MALRD1: variants seen among roughly 807,000 people sequenced by gnomAD.
The protein encoded by MALRD1 is MAM and LDL-receptor class A domain-containing protein 1.
Under a neutral mutation model 242.1 loss-of-function variants are expected in MALRD1, and 247 were observed. The ratio of observed to expected loss-of-function variants is 1.02; its 90% CI spans 0.92 to 1.13. The LOEUF (loss-of-function observed/expected upper bound fraction) is 1.13, where lower values mean the gene tolerates loss of function less well. Ranked by LOEUF, MALRD1 falls within the 50% of genes most tolerant of loss-of-function variation. MALRD1 has a pLI of 0.00. For missense variants in MALRD1, 2,989 were observed against 2,533.1 expected (o/e 1.18, Z -3.86); for synonymous variants, 995 against 866.6 (o/e 1.15, Z -2.60).
intron 24 of MALRD1, among the ~76,000 whole-genome samples, chr10:19,331,965 A>T (rs1395467920): frequency 6.6e-6 from 1 of 152,098 alleles, no homozygotes; most frequent in Non-Finnish European, 1.5e-5. Flanking sequence ...TCCCAGGTTC[A>T]AGTGATTGTC....
intron 29 of MALRD1, among the ~76,000 whole-genome samples, chr10:19,481,585 C>T (rs1836997471): frequency 6.6e-6 from 1 of 151,968 alleles, no homozygotes; most frequent in South Asian, 2.1e-4. Flanking sequence ...ATTATATGTC[C>T]CCTTTATTTT....
intron 5 of MALRD1, among the ~76,000 whole-genome samples, chr10:19,122,619 A>G (rs1328012714): frequency 6.6e-6 from 1 of 152,110 alleles, no homozygotes; most frequent in African/African-American, 2.4e-5. Context: ...TTGGGTATTT[A>G]GGAAGATCAG....
chr10:19,669,298 C>T (rs1381944249), intron 36 of MALRD1, among the ~76,000 whole-genome samples: 1 of 152,148 alleles, frequency 6.6e-6, no homozygotes. Context: ...TAAAAATGGA[C>T]TATGAACATA....
intron 19 of MALRD1, among the ~76,000 whole-genome samples, chr10:19,266,015 T>A (rs938450976): frequency 1.3e-5 from 2 of 152,000 alleles, no homozygotes; most frequent in Admixed American, 6.6e-5. Flanking sequence ...TTTTGTCTTA[T>A]GTAAGTATAG....
chr10:19,295,289 A>G (rs1389820016), intron 21 of MALRD1, among the ~76,000 whole-genome samples: 1 of 152,082 alleles, frequency 6.6e-6, no homozygotes, highest in East Asian at 1.9e-4. Context: ...CACTTTTGCA[A>G]TCAGTTTATG....
chr10:19,729,823 G>A (rs1407852859), intron 38 of MALRD1, among the ~76,000 whole-genome samples: 9 of 119,690 alleles, frequency 7.5e-5, no homozygotes, highest in African/African-American at 2.2e-4. Context: ...TGCAAGCTCC[G>A]CCTCCCGGGT....
At chr10:19,216,959 TAA>T (rs5783663) in intron 18 of MALRD1, among the ~76,000 whole-genome samples, 30 of 144,398 alleles carry the variant, frequency 2.1e-4, no homozygotes, top group Non-Finnish European at 1.5e-5. Flanking sequence ...AAAAAAAAAA[TAA>T]AAATAAAATA....
intron 18 of MALRD1, among the ~76,000 whole-genome samples, chr10:19,219,605 T>C (rs541501973): frequency 2.5e-4 from 38 of 152,052 alleles, no homozygotes; most frequent in African/African-American, 4.8e-5. Flanking sequence ...CCGGCTAATT[T>C]TTAAATTTTT....
chr10:19,170,258 T>C (rs1180458897), intron 13 of MALRD1, among the ~76,000 whole-genome samples: 2 of 152,162 alleles, frequency 1.3e-5, no homozygotes, highest in Non-Finnish European at 2.9e-5. Flanking sequence ...TCACTTGCTA[T>C]GTTCAGCTTT....
intron 21 of MALRD1, among the ~76,000 whole-genome samples, chr10:19,297,416 AT>A (rs1405546821): frequency 6.6e-6 from 1 of 151,914 alleles, no homozygotes; most frequent in African/African-American, 2.4e-5. Flanking sequence ...AACTAAAAAA[AT>A]ATTTAGACAT....
intron 1 of MALRD1, among the ~76,000 whole-genome samples, chr10:19,050,985 C>T (rs528325703): frequency 1.4e-4 from 21 of 152,318 alleles, no homozygotes; most frequent in South Asian, 4.1e-4. Flanking sequence ...AGGCATAGAT[C>T]TGTCGAATAA....
Position 19,530,378 on chromosome 10 carries a change from A to ATATTT in MALRD1, c.5321-816_5321-815insTATTT, listed in dbSNP as rs1564417103. ...TAATATTTATATAAATATTTATATA[A>ATATTT]ATATTATATATTTATATAAATATTA... is the stretch of plus-strand genomic sequence containing the variant. On this transcript the variant is annotated intron_variant, in intron 31 of 39. Coordinates refer to ENST00000454679, the MANE Select transcript of MALRD1 (RefSeq NM_001142308.3). Among the ~76,000 whole-genome samples, 13 of 101,048 alleles carry ATATTT rather than the reference A, an allele frequency of 1.3e-4. 1 individual carries two copies. Among genetic ancestry groups the ATATTT allele is most frequent in the Non-Finnish European group, 5.7e-5 (3 of 52,302 alleles). 66.3% of individuals were successfully genotyped at this position (101,048 alleles called of 152,430 possible).
rs768088864 is a variant in MALRD1, at chr10:19,531,260, C to T, written c.5387C>T (p.Thr1796Ile). ...GSKEGSVARITTSKSFPASLG... is the reference protein window; with the variant it reads ...GSKEGSVARIITSKSFPASLG... Reference sequence around the variant, plus strand: ...AAGGAAGGATCCGTTGCCAGAATTACTACTTCCAAATCCTTCCCAGCAAGC... The same window carrying T: ...AAGGAAGGATCCGTTGCCAGAATTATTACTTCCAAATCCTTCCCAGCAAGC... The change falls in exon 32 of 40, where the codon ACT becomes ATT. Residue 1796 changes from threonine to isoleucine, a missense_variant. Transcript: ENST00000454679. The T allele has an allele frequency of 1.8e-5, 28 of 1,550,368 alleles. No individual in the cohort carries two copies. The South Asian group carries it at 2.6e-4, about 14-fold the overall frequency.
intron 26 of MALRD1, among the ~76,000 whole-genome samples, chr10:19,386,923 A>G (rs1005716820): frequency 6.6e-6 from 1 of 152,190 alleles, no homozygotes; most frequent in African/African-American, 2.4e-5. Flanking sequence ...TTGTAAACAA[A>G]TCTCTATGGT....
chr10:19,581,330 T>C (rs1188380264), intron 33 of MALRD1, among the ~76,000 whole-genome samples: 41 of 149,972 alleles, frequency 2.7e-4, no homozygotes, highest in Non-Finnish European at 5.2e-4. Context: ...TAACTCGTCA[T>C]CTAGCATTAG....
At chr10:19,447,930 G>A (rs1835092987) in intron 28 of MALRD1, among the ~76,000 whole-genome samples, 1 of 152,144 alleles carries the variant, frequency 6.6e-6, no homozygotes, top group Non-Finnish European at 1.5e-5. Flanking sequence ...ATCTGTGGGT[G>A]TCAGATTTGT....
chr10:19,286,597 A>C (rs554628795), intron 21 of MALRD1, among the ~76,000 whole-genome samples: 101 of 152,170 alleles, frequency 6.6e-4, no homozygotes, highest in African/African-American at 2.3e-3. Flanking sequence ...CTCGACACAT[A>C]CACTCTCCCA....
At chr10:19,236,280 G>C (rs111860628) in intron 18 of MALRD1, among the ~76,000 whole-genome samples, 1 of 152,150 alleles carries the variant, frequency 6.6e-6, no homozygotes, top group Non-Finnish European at 1.5e-5. Context: ...GTTGGTGCAG[G>C]TGTGATATGA....
Position 19,136,651 on chromosome 10 carries a change from G to C in MALRD1, c.1281G>C (p.Gln427His). 8.1e-7 allele frequency: 1 copy of C among 1,231,662 alleles called. No homozygotes were observed. The highest frequency in any genetic ancestry group is 1.0e-6 in the Non-Finnish European group (1 of 987,956). 76.3% of individuals were successfully genotyped at this position (1,231,662 alleles called of 1,614,324 possible). A position where few individuals can be genotyped will look rare whatever the true frequency, so the allele number is the denominator to read the frequency against. The change falls in exon 10 of 40, where the codon CAG becomes CAC. Residue 427 changes from glutamine (Q) to histidine (H), a missense_variant. Physicochemically the swap from Gln to His is conservative, Grantham distance 24 (BLOSUM62 0). Coordinates refer to ENST00000454679, the MANE Select transcript of MALRD1 (RefSeq NM_001142308.3). ...LDHLWVYACGQTQSRKLCSAD... is the reference protein window; with the variant it reads ...LDHLWVYACGHTQSRKLCSAD... Reference sequence around the variant, plus strand: ...ACCTCTGGGTCTATGCCTGTGGACAGACCCAATCCAGAAAGCTTTGCTCTG... The same window carrying C: ...ACCTCTGGGTCTATGCCTGTGGACACACCCAATCCAGAAAGCTTTGCTCTG...
Sources: allele counts gnomAD v4.1 joint callset (sites outside exome capture counted in the v4.1 genomes callset), GRCh38; gene constraint gnomAD v4.1.1; transcripts MANE v1.5; gene names NCBI Gene and HGNC (gene_info 2026-07-23, HGNC 2026-07-21).